The following NRG3 variants were observed in gnomAD, a reference collection of about 807,000 sequenced individuals.
NRG3 encodes the protein neuregulin 3.
In NRG3, 31 loss-of-function variants were observed where a neutral mutation model predicts 66.9. The ratio of observed to expected loss-of-function variants is 0.46; its 90% confidence interval spans 0.35 to 0.63. NRG3 has a LOEUF of 0.63. Among genes scored for constraint, NRG3 ranks in the 20% least tolerant of loss-of-function variants. The probability of loss-of-function intolerance (pLI) is 0.00; values close to 1 mark genes in which losing one functional copy is unlikely to be tolerated. For missense variants in NRG3, 910 were observed against 878.9 expected (o/e 1.04, Z -0.45); for synonymous variants, 393 against 359.4 (o/e 1.09, Z -1.06).
intron 1 of NRG3, among the ~76,000 whole-genome samples, chr10:82,204,656 C>T (rs1002795849): frequency 1.3e-5 from 2 of 152,060 alleles, no homozygotes; most frequent in African/African-American, 4.8e-5. Flanking sequence ...CATTACTAGC[C>T]CTGGGGGTAT....
intron 1 of NRG3, among the ~76,000 whole-genome samples, chr10:82,028,510 G>C (rs77859527): frequency 3.9e-5 from 6 of 152,018 alleles, no homozygotes; most frequent in African/African-American, 1.4e-4. Context: ...CACATATGAG[G>C]TACTTAGTAG....
intron 3 of NRG3, among the ~76,000 whole-genome samples, chr10:82,842,342 C>T (rs763299663): frequency 8.5e-5 from 13 of 152,142 alleles, no homozygotes; most frequent in African/African-American, 3.1e-4. Context: ...CTTGGCTTAC[C>T]GAATGATCAA....
chr10:82,016,275 G>C (rs982946401), intron 1 of NRG3, among the ~76,000 whole-genome samples: 3 of 152,068 alleles, frequency 2.0e-5, no homozygotes, highest in African/African-American at 7.2e-5. Context: ...GGTTAGCTGA[G>C]TGGTTAGCCG....
At chr10:82,880,562 T>A (rs1034175288) in intron 4 of NRG3, among the ~76,000 whole-genome samples, 7 of 152,148 alleles carry the variant, frequency 4.6e-5, no homozygotes, top group Non-Finnish European at 7.4e-5. Context: ...AATCCTTCCC[T>A]AGGAGCATAA....
intron 6 of NRG3, among the ~76,000 whole-genome samples, chr10:82,960,091 G>A (rs1050567854): frequency 1.3e-5 from 2 of 152,084 alleles, no homozygotes; most frequent in Non-Finnish European, 2.9e-5. Context: ...ATACATCACT[G>A]GTGATTCTAA....
chr10:82,545,003 A>G (rs2043796975), intron 2 of NRG3, among the ~76,000 whole-genome samples: 1 of 152,204 alleles, frequency 6.6e-6, no homozygotes, highest in African/African-American at 2.4e-5. Flanking sequence ...GAAATAAAAC[A>G]GCAACTACTT....
At chr10:81,894,836 C>A (rs1843373626) in intron 1 of NRG3, among the ~76,000 whole-genome samples, 1 of 152,120 alleles carries the variant, frequency 6.6e-6, no homozygotes, top group South Asian at 2.1e-4. Context: ...TGCACCTGGG[C>A]CTTGCGACAG....
intron 1 of NRG3, among the ~76,000 whole-genome samples, chr10:81,895,603 T>C (rs1843441692): frequency 6.6e-6 from 1 of 152,220 alleles, no homozygotes. Context: ...ATCATAGTTA[T>C]ACTCTTAATG....
intron 2 of NRG3, among the ~76,000 whole-genome samples, chr10:82,379,910 CA>C (rs11423046): frequency 2.2e-3 from 173 of 78,516 alleles, no homozygotes; most frequent in South Asian, 2.6e-3. Flanking sequence ...ATGAACAATC[CA>C]AAAAAAAAAA....
chr10:82,222,068 A>T lies in NRG3; in HGVS notation c.824-136671A>T, dbSNP rs150645409. On this transcript the variant is annotated intron_variant, in intron 1 of 8. Coordinates refer to ENST00000372141, the MANE Select transcript of NRG3 (RefSeq NM_001010848.4). ...CTTTTTCTGTGTCCCTTTGTTATAG[A>T]TGTTTGGCCTATAGTGGAAGGGCCT... Among the ~76,000 whole-genome samples, 54 of 151,846 alleles carry T rather than the reference A, an allele frequency of 3.6e-4. 1 individual carries two copies. The highest frequency in any genetic ancestry group is 1.2e-3 in the African/African-American group (51 of 41,392).
chr10:82,398,897 G>T (rs2086899103), intron 2 of NRG3, among the ~76,000 whole-genome samples: 1 of 152,080 alleles, frequency 6.6e-6, no homozygotes, highest in African/African-American at 2.4e-5. Context: ...TCCTCCTACT[G>T]CAAGTTTCTC....
chr10:82,880,237 G>T (rs1203159162), intron 4 of NRG3, among the ~76,000 whole-genome samples: 2 of 151,922 alleles, frequency 1.3e-5, no homozygotes, highest in Non-Finnish European at 2.9e-5. Context: ...TCTTTGGTTT[G>T]GGGAAAACTG....
chr10:81,930,627 T>C (rs1847250736), intron 1 of NRG3, among the ~76,000 whole-genome samples: 2 of 152,196 alleles, frequency 1.3e-5, no homozygotes, highest in South Asian at 2.1e-4. Context: ...TTTTATTACT[T>C]GTCCCAAGGT....
intron 2 of NRG3, among the ~76,000 whole-genome samples, chr10:82,534,805 A>T (rs1847654229): frequency 6.6e-6 from 1 of 152,152 alleles, no homozygotes; most frequent in Non-Finnish European, 1.5e-5. Context: ...AGAATGCTAA[A>T]AATACACAAT....
intron 4 of NRG3, among the ~76,000 whole-genome samples, chr10:82,935,536 C>T (rs1298331216): frequency 1.3e-5 from 2 of 152,134 alleles, no homozygotes; most frequent in Non-Finnish European, 2.9e-5. Flanking sequence ...TAAACAACGC[C>T]CATGACTTAT....
At chr10:81,903,803 A>G (rs1286966532) in intron 1 of NRG3, among the ~76,000 whole-genome samples, 2 of 152,178 alleles carry the variant, frequency 1.3e-5, no homozygotes, top group Non-Finnish European at 2.9e-5. Flanking sequence ...TTTCCATGTT[A>G]AAACCTAAAG....
intron 1 of NRG3, among the ~76,000 whole-genome samples, chr10:82,097,529 G>GAT (rs759101988): frequency 1.8e-3 from 274 of 148,382 alleles, no homozygotes; most frequent in African/African-American, 5.7e-3. Context: ...ATATATCTGT[G>GAT]ATATATATAT....
intron 1 of NRG3, among the ~76,000 whole-genome samples, chr10:82,061,754 T>G (rs1427574550): frequency 1.3e-5 from 2 of 152,008 alleles, no homozygotes; most frequent in African/African-American, 4.8e-5. Context: ...TTAAGCCTTC[T>G]CTCCATAACT....
intron 2 of NRG3, among the ~76,000 whole-genome samples, chr10:82,479,913 A>T (rs1337987509): frequency 6.6e-6 from 1 of 152,220 alleles, no homozygotes; most frequent in Non-Finnish European, 1.5e-5. Context: ...GTTTGCAGTG[A>T]GCCGAGATGG....
Sources: allele counts gnomAD v4.1 joint callset (sites outside exome capture counted in the v4.1 genomes callset), GRCh38; gene constraint gnomAD v4.1.1; transcripts MANE v1.5; gene names NCBI Gene and HGNC (gene_info 2026-07-23, HGNC 2026-07-21).